Variants in P2RY12 observed in about 807,000 individuals in gnomAD.
P2RY12 encodes purinergic receptor P2Y12.
A neutral mutation model predicts 4.5 loss-of-function variants in P2RY12; 3 were observed. The observed-to-expected ratio is 0.67, with a 90% CI of 0.31 to 1.74. P2RY12 has a LOEUF of 1.74. Ranked by LOEUF, P2RY12 falls within the 40% of genes most tolerant of loss-of-function variation. The pLI, the probability that P2RY12 is intolerant of heterozygous loss-of-function variation, is 0.09. For synonymous variants in P2RY12, 148 were observed against 154.1 expected, an observed-to-expected ratio of 0.96 and a Z score of 0.29; for missense variants, 356 against 407.8, an observed-to-expected ratio of 0.87 and a Z score of 1.09.
chr3:151,373,161 A>G (rs767016116), intron 1 of P2RY12, among the ~76,000 whole-genome samples: 2 of 152,132 alleles, frequency 1.3e-5, no homozygotes, highest in African/African-American at 2.4e-5. Context: ...TTTCTCATCT[A>G]TAGGCCACAG....
At chr3:151,383,362 A>G (rs1038638015) in intron 1 of P2RY12, among the ~76,000 whole-genome samples, 4 of 152,206 alleles carry the variant, frequency 2.6e-5, no homozygotes, top group Admixed American at 2.6e-4. Context: ...GGATGTTTCC[A>G]TATGGTATTA....
intron 1 of P2RY12, chr3:151,357,310 C>G: frequency 6.2e-7 from 1 of 1,613,908 alleles, no homozygotes; most frequent in African/African-American, 1.3e-5. Flanking sequence ...TGCATCGTGG[C>G]TGTTCTCAGG....
chr3:151,380,177 G>C (rs1450399854), intron 1 of P2RY12: 1 of 1,610,534 alleles, frequency 6.2e-7, no homozygotes, highest in Non-Finnish European at 8.5e-7. Flanking sequence ...GGGACAAGAT[G>C]AACAAAGGGA....
At chr3:151,348,536 A>C (rs1023836938) in intron 1 of P2RY12, among the ~76,000 whole-genome samples, 1 of 151,840 alleles carries the variant, frequency 6.6e-6, no homozygotes, top group African/African-American at 2.4e-5. Context: ...AGGATATTAA[A>C]TAAGAACAGC....
At chr3:151,382,389 G>C (rs189151040) in intron 1 of P2RY12, among the ~76,000 whole-genome samples, 218 of 152,064 alleles carry the variant, frequency 1.4e-3, no homozygotes, top group African/African-American at 4.8e-3. Flanking sequence ...TAATTTGATG[G>C]CCCTCTCAAG....
intron 1 of P2RY12, chr3:151,376,282 C>G (rs1411921573): frequency 8.3e-7 from 1 of 1,204,650 alleles, no homozygotes; most frequent in Middle Eastern, 2.1e-4. Context: ...AGAGTTACTT[C>G]CTCTCTTTTT....
chr3:151,366,743 T>C (rs1392552320), intron 1 of P2RY12, among the ~76,000 whole-genome samples: 2 of 152,222 alleles, frequency 1.3e-5, no homozygotes, highest in Non-Finnish European at 2.9e-5. Flanking sequence ...ATCCTATCTC[T>C]ATATCTTCAT....
intron 1 of P2RY12, among the ~76,000 whole-genome samples, chr3:151,374,030 A>T (rs1756509397): frequency 1.3e-5 from 2 of 152,186 alleles, no homozygotes; most frequent in South Asian, 4.1e-4. Flanking sequence ...GATACCTTCA[A>T]TTCCAATCCA....
chr3:151,351,712 C>T (rs1753258349), intron 1 of P2RY12, among the ~76,000 whole-genome samples: 2 of 152,046 alleles, frequency 1.3e-5, no homozygotes, highest in South Asian at 4.1e-4. Context: ...TCAGGAGGTT[C>T]GTAATACATA....
At chr3:151,360,775 G>A (rs1386923991) in intron 1 of P2RY12, among the ~76,000 whole-genome samples, 1 of 152,094 alleles carries the variant, frequency 6.6e-6, no homozygotes, top group Non-Finnish European at 1.5e-5. Context: ...AAAATAGACA[G>A]GGACAATACA....
chr3:151,339,431 T>TAAAAAAAA (rs3975402), intron 2 of P2RY12, among the ~76,000 whole-genome samples: 1 of 145,816 alleles, frequency 6.9e-6, no homozygotes, highest in Non-Finnish European at 1.5e-5. Context: ...ACTGAATCAG[T>TAAAAAAAA]AAAAAAAAAA....
chr3:151,374,522 C>G (rs759319089), intron 1 of P2RY12, among the ~76,000 whole-genome samples: 2 of 151,786 alleles, frequency 1.3e-5, no homozygotes, highest in African/African-American at 2.4e-5. Context: ...CACTCCAGCC[C>G]TGGTAAGAGA....
chr3:151,376,546 A>C (rs1329231396), intron 1 of P2RY12, among the ~76,000 whole-genome samples: 1 of 152,176 alleles, frequency 6.6e-6, no homozygotes, highest in East Asian at 1.9e-4. Flanking sequence ...TTGAAAGGAG[A>C]AATGCTTATT....
intron 1 of P2RY12, among the ~76,000 whole-genome samples, chr3:151,357,852 C>A (rs909003291): frequency 6.6e-6 from 1 of 152,172 alleles, no homozygotes; most frequent in Non-Finnish European, 1.5e-5. Context: ...CAAATTACTT[C>A]ATTTTCAGTT....
At chr3:151,368,068 G>C in intron 1 of P2RY12, 2 of 1,133,764 alleles carry the variant, frequency 1.8e-6, no homozygotes, top group Non-Finnish European at 2.6e-6. Flanking sequence ...AATTATTCCA[G>C]GAAATTTAGC....
intron 1 of P2RY12, among the ~76,000 whole-genome samples, chr3:151,352,418 G>A (rs1016050066): frequency 6.6e-6 from 1 of 152,168 alleles, no homozygotes; most frequent in South Asian, 2.1e-4. Flanking sequence ...TAACCAGAAA[G>A]CTGTTAATTT....
At chr3:151,349,838 C>G (rs1164988720) in intron 1 of P2RY12, among the ~76,000 whole-genome samples, 1 of 149,304 alleles carries the variant, frequency 6.7e-6, no homozygotes, top group Non-Finnish European at 1.5e-5. Context: ...ATTAAGACTT[C>G]AGGTCAGTTG....
intron 1 of P2RY12, among the ~76,000 whole-genome samples, chr3:151,362,831 T>C (rs1754789120): frequency 6.6e-6 from 1 of 152,152 alleles, no homozygotes; most frequent in Non-Finnish European, 1.5e-5. Flanking sequence ...TTGTGAAATA[T>C]TTGAGTGGGT....
chr3:151,370,163 A>G (rs1220124160), intron 1 of P2RY12, among the ~76,000 whole-genome samples: 1 of 152,198 alleles, frequency 6.6e-6, no homozygotes, highest in Non-Finnish European at 1.5e-5. Flanking sequence ...TTTTCCTGGA[A>G]TAATAGCACT....
Sources: allele counts gnomAD v4.1 joint callset (sites outside exome capture counted in the v4.1 genomes callset), GRCh38; gene constraint gnomAD v4.1.1; transcripts MANE v1.5; gene names NCBI Gene and HGNC (gene_info 2026-07-23, HGNC 2026-07-21).